UNC79: variants seen among roughly 807,000 people sequenced by gnomAD.
UNC79 encodes protein unc-79 homolog.
A neutral mutation model predicts 283.1 loss-of-function variants in UNC79; 37 were observed. That is an observed-to-expected ratio of 0.13 (90% CI 0.10 to 0.17). The LOEUF (loss-of-function observed/expected upper bound fraction) is 0.17. Ranked by LOEUF, UNC79 falls within the 10% of genes least tolerant of loss-of-function variation. The pLI is 1.00. For missense variants in UNC79, 2,272 were observed against 3,211.1 expected (o/e 0.71, Z 7.07); for synonymous variants, 1,107 against 1,200.2 (o/e 0.92, Z 1.61).
In UNC79 at chr14:93,407,855, T is replaced by G. The variant is rs540772584; in HGVS notation, c.-350-59816T>G. On this transcript the variant is annotated intron_variant, in intron 1 of 49. Coordinates refer to the UNC79 transcript ENST00000256339. ...AGAGAGATGAAAGACGCAGACGATT[T>G]AAGAAGGCATTTTTAGGGAAACTCA... Among the ~76,000 whole-genome samples the G allele has an allele frequency of 2.0e-5, 3 of 152,300 alleles. No homozygotes were observed. In the South Asian group the frequency reaches 6.2e-4, roughly 32 times the overall value.
chr14:93,656,442 G>A (rs992598929), intron 38 of UNC79, among the ~76,000 whole-genome samples: 9 of 150,232 alleles, frequency 6.0e-5, no homozygotes, highest in African/African-American at 1.5e-4. Flanking sequence ...TCGTCTCTAC[G>A]AAAGATTAAA....
intron 31 of UNC79, among the ~76,000 whole-genome samples, chr14:93,636,075 C>T (rs905434692): frequency 1.4e-4 from 21 of 152,238 alleles, no homozygotes; most frequent in African/African-American, 3.9e-4. Context: ...GTTTAGATTC[C>T]GACTACAATG....
intron 31 of UNC79, among the ~76,000 whole-genome samples, chr14:93,632,598 G>A (rs2068122837): frequency 6.6e-6 from 1 of 151,818 alleles, no homozygotes; most frequent in South Asian, 2.1e-4. Flanking sequence ...ACTGGGGAGG[G>A]CAAAGTGGGA....
At chr14:93,341,555 A>G (rs2053710705) in intron 1 of UNC79, among the ~76,000 whole-genome samples, 1 of 151,270 alleles carries the variant, frequency 6.6e-6, no homozygotes, top group Admixed American at 6.6e-5. Flanking sequence ...GCTTGAGCCC[A>G]GAAGTTTGAG....
chr14:93,564,287 G>T (rs1422918090), intron 14 of UNC79, among the ~76,000 whole-genome samples: 2 of 152,182 alleles, frequency 1.3e-5, no homozygotes, highest in Non-Finnish European at 2.9e-5. Context: ...TAATGGTTTT[G>T]TTAGGATGGC....
Position 93,486,657 on chromosome 14 carries a change from GAAAAAA to G in UNC79, c.620-990_620-985del, listed in dbSNP as rs1184362382. 5.0e-5 allele frequency among the ~76,000 whole-genome samples: 7 copies of G among 138,988 alleles called. No homozygotes were observed. The East Asian group carries it at 8.3e-4, about 16-fold the overall frequency. 91.2% of individuals were successfully genotyped at this position (138,988 alleles called of 152,430 possible). A position where few individuals can be genotyped will look rare whatever the true frequency, so the allele number is the denominator to read the frequency against. On this transcript the variant is annotated intron_variant, in intron 4 of 48. Transcript: ENST00000555664. ...CAACAAGAGTGAGACTCTGTCTAAG[GAAAAAA>G]AAAAAAAAAAAAAAAGAAAGAAAGT...
intron 27 of UNC79, among the ~76,000 whole-genome samples, chr14:93,613,603 A>G (rs2139777723): frequency 6.6e-6 from 1 of 151,980 alleles, no homozygotes; most frequent in South Asian, 2.1e-4. Context: ...TTTAGTAGAG[A>G]TGGGGTTTCA....
At chr14:93,535,301 A>G (rs1283018926) in intron 11 of UNC79, among the ~76,000 whole-genome samples, 1 of 152,232 alleles carries the variant, frequency 6.6e-6, no homozygotes, top group Non-Finnish European at 1.5e-5. Context: ...GCAATTATTT[A>G]GAACTTCGAT....
intron 1 of UNC79, among the ~76,000 whole-genome samples, chr14:93,463,414 G>A (rs530421697): frequency 6.6e-6 from 1 of 152,272 alleles, no homozygotes; most frequent in African/African-American, 2.4e-5. Flanking sequence ...TGGCTCTGAA[G>A]GCAGAGGACT....
At chr14:93,597,202 A>G (rs111455358) in intron 23 of UNC79, among the ~76,000 whole-genome samples, 157 bp from the exon 24 acceptor site, 2,587 of 152,346 alleles carry the variant, frequency 0.017, 77 homozygotes, top group African/African-American at 0.059. Context: ...TGGTGGTATT[A>G]GACTTTCCTG....
At chr14:93,496,519 C>T (rs982302320) in intron 6 of UNC79, 53 bp downstream of exon 6, 3 of 1,276,104 alleles carry the variant, frequency 2.4e-6, no homozygotes, top group Non-Finnish European at 3.2e-6. Flanking sequence ...TTGTATAATA[C>T]AGTAAAAACT....
At chr14:93,678,469 G>A (rs1216914044) in intron 41 of UNC79, among the ~76,000 whole-genome samples, 1 of 152,180 alleles carries the variant, frequency 6.6e-6, no homozygotes, top group African/African-American at 2.4e-5. Context: ...AGCTCACTAA[G>A]ATGGAACCAT....
intron 1 of UNC79, among the ~76,000 whole-genome samples, chr14:93,455,835 G>A (rs1461490994): frequency 6.6e-6 from 1 of 151,920 alleles, no homozygotes; most frequent in Admixed American, 6.6e-5. Flanking sequence ...AAATAGAAGA[G>A]CCAGAATTCA....
intron 1 of UNC79, among the ~76,000 whole-genome samples, chr14:93,373,588 A>G (rs1000473424): frequency 2.0e-5 from 3 of 152,240 alleles, no homozygotes; most frequent in Non-Finnish European, 4.4e-5. Flanking sequence ...GCTGATATGT[A>G]TCAAAGAAGT....
intron 22 of UNC79, among the ~76,000 whole-genome samples, chr14:93,588,796 C>T (rs2064423690): frequency 7.0e-6 from 1 of 143,356 alleles, no homozygotes; most frequent in Non-Finnish European, 1.5e-5. Flanking sequence ...TATTTATGGT[C>T]AGTGGGAAAG....
chr14:93,434,003 C>T (rs1260888536), intron 1 of UNC79, among the ~76,000 whole-genome samples: 2 of 152,034 alleles, frequency 1.3e-5, no homozygotes, highest in Admixed American at 6.5e-5. Flanking sequence ...CACCTGGGGT[C>T]GGGAGTTCGA....
intron 1 of UNC79, among the ~76,000 whole-genome samples, chr14:93,434,572 T>C (rs1200036991): frequency 6.6e-6 from 1 of 152,224 alleles, no homozygotes; most frequent in Non-Finnish European, 1.5e-5. Context: ...GGGTATGCTC[T>C]TTCAAAAGAA....
intron 25 of UNC79, 102 bp downstream of exon 25, chr14:93,600,872 A>AAT: frequency 1.5e-6 from 2 of 1,325,872 alleles, no homozygotes; most frequent in Non-Finnish European, 2.1e-6. Flanking sequence ...TCTACAGAGG[A>AAT]TGCCTTGACC....
At chr14:93,483,512 C>A (rs981376107) in intron 4 of UNC79, among the ~76,000 whole-genome samples, 1 of 143,794 alleles carries the variant, frequency 7.0e-6, no homozygotes, top group African/African-American at 2.5e-5. Context: ...GGACAAAGAC[C>A]TGTCTGTCTT....
Sources: gnomAD v4.1 joint callset for allele counts (sites outside exome capture counted in the v4.1 genomes callset) on GRCh38, gnomAD v4.1.1 for gene constraint, MANE v1.5 for transcripts, NCBI Gene and HGNC (gene_info 2026-07-23, HGNC 2026-07-21) for gene names.